ANKRD27: variants seen among roughly 807,000 people sequenced by gnomAD.
ANKRD27 encodes ankyrin repeat domain-containing protein 27.
ANKRD27 carries 112 observed loss-of-function variants against 129.7 expected under a neutral mutation model. The observed-to-expected ratio is 0.86, with a 90% CI of 0.74 to 1.01. The LOEUF is 1.01. Among genes scored for constraint, ANKRD27 ranks in the 50% least tolerant of loss-of-function variants. The pLI, the probability that ANKRD27 is intolerant of heterozygous loss-of-function variation, is 0.00. For synonymous variants in ANKRD27, 516 were observed against 511.2 expected, an observed-to-expected ratio of 1.01 and a Z score of -0.13; for missense variants, 1,258 against 1,300.5, an observed-to-expected ratio of 0.97 and a Z score of 0.50.
At position 32,615,810 on chromosome 19, in the gene ANKRD27, C is replaced by T. The variant is rs561232808; in HGVS notation, c.2053-30G>A. 81 of 1,604,786 alleles carry T rather than the reference C, an allele frequency of 5.0e-5. No homozygotes were observed. In the East Asian group the frequency reaches 1.7e-3, roughly 35 times the overall value. On this transcript the variant is annotated intron_variant, in intron 21 of 28. Coordinates refer to ENST00000306065, the MANE Select transcript of ANKRD27 (RefSeq NM_032139.3). ...TGATGGAGAGTAACGGAAACAGGAA[C>T]ACATCCTCAGCGTCTTTGCATGCAC...
At chr19:32,602,158 GT>G in intron 25 of ANKRD27, 32 bp from the exon 26 acceptor site, 1 of 1,332,564 alleles carries the variant, frequency 7.5e-7, no homozygotes, top group Non-Finnish European at 1.1e-6. Flanking sequence ...GAACAGTAAT[GT>G]TTTTATTCTT....
rs184439841 is a variant in ANKRD27 at position 32,674,534 on chromosome 19, T to C, written c.-31+537A>G. On this transcript the variant is annotated intron_variant, in intron 1 of 28. Coordinates refer to ENST00000306065, the MANE Select transcript of ANKRD27 (RefSeq NM_032139.3). ...CGGAACATCTCTCGGTGCTTAAGAGTTTTCCTTTAACAATCTTTACCTGTG... is the reference window on the plus strand; with the variant it reads ...CGGAACATCTCTCGGTGCTTAAGAGCTTTCCTTTAACAATCTTTACCTGTG... Among the ~76,000 whole-genome samples, 216 of 149,858 alleles carry C rather than the reference T, an allele frequency of 1.4e-3. 1 individual carries two copies. The highest frequency in any genetic ancestry group is 5.2e-3 in the African/African-American group (210 of 40,608).
intron 2 of ANKRD27, among the ~76,000 whole-genome samples, chr19:32,658,354 G>A (rs749740531): frequency 4.6e-5 from 7 of 152,216 alleles, no homozygotes; most frequent in Non-Finnish European, 1.5e-5. Context: ...CATGACAGGC[G>A]ACAGCGTCTC....
intron 22 of ANKRD27, among the ~76,000 whole-genome samples, chr19:32,609,107 CAAA>C (rs57945865): frequency 3.2e-4 from 44 of 135,686 alleles, no homozygotes; most frequent in Non-Finnish European, 3.5e-4. Flanking sequence ...ACTCCATCTC[CAAA>C]AAAAAAAAAA....
intron 24 of ANKRD27, 106 bp from the exon 25 acceptor site, chr19:32,604,530 G>T (rs1314187747): frequency 8.5e-7 from 1 of 1,180,218 alleles, no homozygotes; most frequent in Non-Finnish European, 1.1e-6. Flanking sequence ...TTTTTTTTAT[G>T]TCTGAAAGTT....
chr19:32,664,312 C>T (rs1286597907), intron 1 of ANKRD27, among the ~76,000 whole-genome samples: 1 of 151,846 alleles, frequency 6.6e-6, no homozygotes, highest in African/African-American at 2.4e-5. Context: ...TGTCACTGCA[C>T]TTGACTTGAT....
chr19:32,599,692 TTAA>T lies in ANKRD27; in HGVS notation c.2919+9_2919+11del. 6.2e-7 allele frequency: 1 copy of T among 1,608,040 alleles called. No homozygotes were observed. Among genetic ancestry groups the T allele is most frequent in the South Asian group, 1.1e-5 (1 of 89,610 alleles). The stretch of plus-strand genomic sequence containing the variant: ...AGAAAATATGATTAAAAGCCAGTGT[TTAA>T]TAACTTACCTCATGCAAAGAACCTT... On this transcript the variant is annotated intron_variant, in intron 28 of 28. Transcript: ENST00000306065.
At position 32,622,508 on chromosome 19, in the gene ANKRD27, T is replaced by A. The variant is rs1972027286; in HGVS notation, c.1741A>T (p.Ile581Leu). Residue 581 changes from isoleucine to leucine, a missense_variant, in exon 18 of 29, where the codon ATA becomes TTA. Transcript: ENST00000306065. ...IAARWGYQGV[I>L]ETLLQNGAST... ...GCTCCGTTCTGCAGCAATGTCTCTA[T>A]GACGCCTTGGTAGCCCCAGCGGGCA... 1 of 1,614,130 alleles carries A rather than the reference T, an allele frequency of 6.2e-7. No individual in the cohort carries two copies. Among genetic ancestry groups the A allele is most frequent in the Non-Finnish European group, 8.5e-7 (1 of 1,180,036 alleles).
intron 2 of ANKRD27, among the ~76,000 whole-genome samples, chr19:32,652,595 G>A (rs1967439301): frequency 6.6e-6 from 1 of 151,608 alleles, no homozygotes; most frequent in East Asian, 2.0e-4. Context: ...GTGTGGGGTT[G>A]GGGGAAAGAA....
chr19:32,619,370 G>T lies in ANKRD27; in HGVS notation c.1897C>A (p.Gln633Lys), dbSNP rs1408422782. The T allele has an allele frequency of 1.2e-6, 2 of 1,613,656 alleles. No individual in the cohort carries two copies. The highest frequency in any genetic ancestry group is 1.7e-6 in the Non-Finnish European group (2 of 1,179,990). ...RRQKSSEAPV[Q>K]SPQRSVDSIS... ...GAGTCCACGGAGCGCTGCGGGGACT[G>T]CACAGGGGCCTGCAGCCAAGGAGCC... Residue 633 changes from glutamine to lysine, a missense_variant, in exon 20 of 29, where the codon CAG becomes AAG. Transcript: ENST00000306065.
At chr19:32,663,042 AAAGAC>A (rs1967676262) in intron 1 of ANKRD27, among the ~76,000 whole-genome samples, 1 of 152,234 alleles carries the variant, frequency 6.6e-6, no homozygotes, top group Non-Finnish European at 1.5e-5. Context: ...ATTCTGTCTC[AAAGAC>A]AAAACAAAAC....
At chr19:32,607,892 G>A (rs967256830) in intron 22 of ANKRD27, 60 bp from the exon 23 acceptor site, 88 of 1,522,668 alleles carry the variant, frequency 5.8e-5, no homozygotes, top group Non-Finnish European at 7.7e-5. Context: ...CTGGGCTGGA[G>A]TGATTGGCAC....
intron 15 of ANKRD27, among the ~76,000 whole-genome samples, chr19:32,627,356 A>C (rs1966902296): frequency 1.4e-5 from 2 of 144,908 alleles, no homozygotes. Flanking sequence ...TTGAATGTGC[A>C]CTTTATTTTA....
At chr19:32,625,709 G>A (rs1972078265) in intron 17 of ANKRD27, among the ~76,000 whole-genome samples, 165 bp downstream of exon 17, 1 of 152,142 alleles carries the variant, frequency 6.6e-6, no homozygotes, top group Non-Finnish European at 1.5e-5. Context: ...TGGGATTACA[G>A]GCGTGAGCCA....
At chr19:32,663,156 T>A (rs1317893160) in intron 1 of ANKRD27, among the ~76,000 whole-genome samples, 1 of 152,220 alleles carries the variant, frequency 6.6e-6, no homozygotes, top group Non-Finnish European at 1.5e-5. Context: ...ATTCTCTTGG[T>A]ACCCCAAGAT....
intron 22 of ANKRD27, chr19:32,608,285 G>A (rs1971780378): frequency 8.0e-6 from 2 of 248,470 alleles, no homozygotes; most frequent in Non-Finnish European, 1.6e-5. Context: ...TGCTGAGACT[G>A]CAGATGTATG....
rs1599768880 is a variant in ANKRD27 at position 32,654,286 on chromosome 19, G to T, written c.103-4494C>A. Among the ~76,000 whole-genome samples, 8 of 152,140 alleles carry T rather than the reference G, an allele frequency of 5.3e-5. 3 individuals carry two copies. Among genetic ancestry groups the T allele is most frequent in the Admixed American group, 5.2e-4 (8 of 15,280 alleles). On this transcript the variant is annotated intron_variant, in intron 2 of 28. Coordinates refer to ENST00000306065, the MANE Select transcript of ANKRD27 (RefSeq NM_032139.3). ...GGCAGACTCAAGGGCAGTCAAACTT[G>T]GTACAAGGTTATGACCAGCCTGGGC...
At chr19:32,633,549 C>T (rs1035180736) in intron 12 of ANKRD27, among the ~76,000 whole-genome samples, 4 of 151,528 alleles carry the variant, frequency 2.6e-5, no homozygotes, top group African/African-American at 9.7e-5. Flanking sequence ...GTCTCGAACT[C>T]CTGGCCTCAG....
chr19:32,626,681 G>T, intron 16 of ANKRD27, 31 bp downstream of exon 16: 2 of 1,533,824 alleles, frequency 1.3e-6, no homozygotes, highest in Non-Finnish European at 8.9e-7. Context: ...GGAGCAAAGC[G>T]ACAGCCCGCC....
Sources: gnomAD v4.1 joint callset for allele counts (sites outside exome capture counted in the v4.1 genomes callset) on GRCh38, gnomAD v4.1.1 for gene constraint, MANE v1.5 for transcripts, NCBI Gene and HGNC (gene_info 2026-07-23, HGNC 2026-07-21) for gene names.